The following JAKMIP3 variants were observed in gnomAD, a reference collection of about 807,000 sequenced individuals.
JAKMIP3 encodes Janus kinase and microtubule interacting protein 3, also known as janus kinase and microtubule-interacting protein 3.
A neutral mutation model predicts 118.5 loss-of-function variants in JAKMIP3; 58 were observed. That is an observed-to-expected ratio of 0.49 (90% CI 0.40 to 0.61). The LOEUF (loss-of-function observed/expected upper bound fraction) is 0.61. Ranked by LOEUF, JAKMIP3 falls within the 20% of genes least tolerant of loss-of-function variation. The pLI, the probability that JAKMIP3 is intolerant of heterozygous loss-of-function variation, is 0.00. For synonymous variants in JAKMIP3, 486 were observed against 451.2 expected, an observed-to-expected ratio of 1.08 and a Z score of -0.98; for missense variants, 950 against 1,109.0, an observed-to-expected ratio of 0.86 and a Z score of 2.04.
At chr10:132,176,074 C>G (rs114107804) in intron 23 of JAKMIP3, among the ~76,000 whole-genome samples, 1 of 152,204 alleles carries the variant, frequency 6.6e-6, no homozygotes, top group Non-Finnish European at 1.5e-5. Context: ...TGCCAGATCC[C>G]GATCAGGGGG....
chr10:132,083,721 T>A (rs1403925679), intron 1 of JAKMIP3, among the ~76,000 whole-genome samples: 1 of 152,204 alleles, frequency 6.6e-6, no homozygotes, highest in East Asian at 1.9e-4. Context: ...GGGTAAGAGA[T>A]GAGGATCTAG....
chr10:132,141,409 C>CG lies in JAKMIP3; in HGVS notation c.1474-505dup, dbSNP rs538502867. On this transcript the variant is annotated intron_variant, in intron 10 of 23. Coordinates refer to ENST00000684848, the MANE Select transcript of JAKMIP3 (RefSeq NM_001323087.2). ...CTCACCTGTCTTCTCCCTGGGGTGA[C>CG]GGGGGGCACTGCAGCTAGCAGGGTG... 2.6e-5 allele frequency among the ~76,000 whole-genome samples: 4 copies of CG among 152,234 alleles called. No homozygotes were observed. In the East Asian group the frequency reaches 7.7e-4, roughly 29 times the overall value.
rs894890489 is a variant in JAKMIP3 at position 132,118,676 on chromosome 10, C to T, written c.633+1102C>T. 2.0e-5 allele frequency among the ~76,000 whole-genome samples: 3 copies of T among 152,302 alleles called. No homozygotes were observed. The highest frequency in any genetic ancestry group is 7.2e-5 in the African/African-American group (3 of 41,554). ...TCGCCACAGTGTACACGTGGGTGCC[C>T]CCAAACGTGCCTAACCCGGGTGATT... On this transcript the variant is annotated intron_variant, in intron 3 of 23. Transcript: ENST00000684848. This position sits in a 1 kb window ranked among gnomAD's most constrained non-coding sequence, Gnocchi z 4.8.
chr10:132,119,742 G>A (rs917394458), intron 3 of JAKMIP3, among the ~76,000 whole-genome samples: 1 of 152,082 alleles, frequency 6.6e-6, no homozygotes, highest in East Asian at 1.9e-4. Context: ...AAGAACTGTT[G>A]GAATTTTGGG....
intron 1 of JAKMIP3, among the ~76,000 whole-genome samples, chr10:132,054,470 C>T (rs2038182777): frequency 6.6e-6 from 1 of 152,012 alleles, no homozygotes; most frequent in Non-Finnish European, 1.5e-5. Flanking sequence ...GAGGCTCTGC[C>T]AGAGGTTAGG....
At chr10:132,162,897 C>T (rs983926555) in intron 19 of JAKMIP3, among the ~76,000 whole-genome samples, 1 of 152,222 alleles carries the variant, frequency 6.6e-6, no homozygotes, top group Non-Finnish European at 1.5e-5. Flanking sequence ...TGTATCCCCA[C>T]AGGCCACCTG....
At chr10:132,120,001 G>A (rs4880336) in intron 3 of JAKMIP3, among the ~76,000 whole-genome samples, 39,009 of 152,010 alleles carry the variant, frequency 0.26, 5,152 homozygotes, top group Admixed American at 0.33. Context: ...CTTTGCTCAC[G>A]CTCTTCTCCA....
Position 132,163,430 on chromosome 10 carries a change from G to T in JAKMIP3, c.2424+18G>T, listed in dbSNP as rs768541655. ...CTCAGCAGGTGTGTGGCAGGCGGGG[G>T]CAGGGCTGGCGTGAAGACCTGGCCA... On this transcript the variant is annotated intron_variant, in intron 20 of 23. Transcript: ENST00000684848. The T allele has an allele frequency of 6.3e-7, 1 of 1,578,064 alleles. No individual in the cohort carries two copies. Among genetic ancestry groups the T allele is most frequent in the Non-Finnish European group, 8.5e-7 (1 of 1,169,832 alleles).
At position 132,163,355 on chromosome 10, in the gene JAKMIP3, C is replaced by T. The variant is rs141738763; in HGVS notation, c.2367C>T (p.Arg789=). ...AGCGCCAGGTCATGAGTGAGCTGCGCGAGCGGGACGCCCAGATCCTGCGGG... is the reference window on the plus strand; with the variant it reads ...AGCGCCAGGTCATGAGTGAGCTGCGTGAGCGGGACGCCCAGATCCTGCGGG... The part of the protein sequence containing the change: ...QWKRQVMSEL[R]ERDAQILRER... Residue 789 remains arginine (R), a synonymous_variant, in exon 20 of 24, where the codon CGC becomes CGT. Transcript: ENST00000684848. The T allele has an allele frequency of 8.7e-6, 14 of 1,609,038 alleles. No homozygotes were observed. The highest frequency in any genetic ancestry group is 8.0e-5 in the African/African-American group (6 of 74,986).
At chr10:132,111,212 C>T (rs1018001741) in intron 2 of JAKMIP3, among the ~76,000 whole-genome samples, 1 of 152,236 alleles carries the variant, frequency 6.6e-6, no homozygotes, top group Non-Finnish European at 1.5e-5. Flanking sequence ...AAACATGTCC[C>T]AGGCAGCTGT....
chr10:132,097,923 T>C (rs950210215), intron 1 of JAKMIP3, among the ~76,000 whole-genome samples: 4 of 33,870 alleles, frequency 1.2e-4, no homozygotes, highest in African/African-American at 1.9e-4. Context: ...CCTTCCCCTT[T>C]CCTTCCCCTT....
intron 3 of JAKMIP3, among the ~76,000 whole-genome samples, chr10:132,119,814 A>G (rs1376676807): frequency 6.6e-6 from 1 of 152,228 alleles, no homozygotes; most frequent in Non-Finnish European, 1.5e-5. Context: ...CTGTCATACA[A>G]ACTCTACAAT....
At chr10:132,085,133 T>A (rs561815079) in intron 1 of JAKMIP3, among the ~76,000 whole-genome samples, 1 of 152,324 alleles carries the variant, frequency 6.6e-6, no homozygotes, top group South Asian at 2.1e-4. Flanking sequence ...TGTGGAATAG[T>A]GTCAATAGGA....
At chr10:132,037,539 A>G (rs1423431372) in intron 1 of JAKMIP3, among the ~76,000 whole-genome samples, 3 of 152,090 alleles carry the variant, frequency 2.0e-5, no homozygotes, top group Non-Finnish European at 2.9e-5. Flanking sequence ...AGGAGGAGAA[A>G]GTGCCAGGCC....
chr10:132,108,065 C>T (rs987973735), intron 2 of JAKMIP3, among the ~76,000 whole-genome samples: 1 of 152,194 alleles, frequency 6.6e-6, no homozygotes, highest in Non-Finnish European at 1.5e-5. Flanking sequence ...GCTCTGGGAC[C>T]AGTGGGGTTC....
chr10:132,160,849 A>C (rs768730749), intron 19 of JAKMIP3, among the ~76,000 whole-genome samples: 607 of 944 alleles, frequency 0.64, 266 homozygotes, highest in South Asian at 1. Context: ...GTGGGGGTCT[A>C]CTTCTATGTC....
upstream of JAKMIP3, among the ~76,000 whole-genome samples, chr10:132,060,904 C>A (rs1447665752): frequency 6.6e-6 from 1 of 152,046 alleles, no homozygotes; most frequent in Non-Finnish European, 1.5e-5. Flanking sequence ...CCTGTAATCC[C>A]AGCTACTTGG....
chr10:132,126,573 G>A (rs1007469848), intron 3 of JAKMIP3, among the ~76,000 whole-genome samples: 1 of 100,408 alleles, frequency 1.0e-5, no homozygotes, highest in African/African-American at 3.8e-5. Flanking sequence ...ACAGGTGTGA[G>A]CCATTGCACT....
At chr10:132,050,128 G>A (rs779757451) in intron 1 of JAKMIP3, among the ~76,000 whole-genome samples, 22 of 152,060 alleles carry the variant, frequency 1.4e-4, no homozygotes, top group Non-Finnish European at 2.5e-4. Flanking sequence ...TTTTCTCCCC[G>A]GAAGTTCTGT....
Sources: gnomAD v4.1 joint callset for allele counts (sites outside exome capture counted in the v4.1 genomes callset) on GRCh38, gnomAD v4.1.1 for gene constraint, Gnocchi (gnomAD v3.1) non-coding constraint, MANE v1.5 for transcripts, NCBI Gene and HGNC (gene_info 2026-07-23, HGNC 2026-07-21) for gene names.